The following FBN2 variants were observed in gnomAD, a reference collection of about 807,000 sequenced individuals.
The protein encoded by FBN2 is fibrillin-2.
A neutral mutation model predicts 355.6 loss-of-function variants in FBN2; 105 were observed. That is an observed-to-expected ratio of 0.30 (90% CI 0.25 to 0.35). The LOEUF (loss-of-function observed/expected upper bound fraction) is 0.35. FBN2 is among the 10% of genes least tolerant of loss of function. The pLI, the probability that FBN2 is intolerant of heterozygous loss-of-function variation, is 1.00. For synonymous variants in FBN2, 1,350 were observed against 1,301.2 expected, an observed-to-expected ratio of 1.04 and a Z score of -0.81; for missense variants, 3,280 against 3,758.7, an observed-to-expected ratio of 0.87 and a Z score of 3.33.
Position 128,350,952 on chromosome 5 carries a change from T to A in FBN2, c.2728A>T (p.Asn910Tyr). The change falls in exon 21 of 65, where the codon AAT becomes TAT. Residue 910 changes from asparagine (N) to tyrosine (Y), a missense_variant. Around this residue, in one of 6 missense-constraint regions of FBN2, gnomAD observed 2,284 missense variants for 2,749.5 expected, o/e 0.83. Transcript: ENST00000262464. Reference protein sequence around the residue: ...LNIQDSRCEVNINGATLKSEC... With the variant: ...LNIQDSRCEVYINGATLKSEC... ...GATTTCAGAGTGGCTCCATTAATATTCACCTCACAGCGGCTGTCCTGGATG... is the reference window on the plus strand; with the variant it reads ...GATTTCAGAGTGGCTCCATTAATATACACCTCACAGCGGCTGTCCTGGATG... 2 of 1,614,178 alleles carry A rather than the reference T, an allele frequency of 1.2e-6. No individual in the cohort carries two copies. Among genetic ancestry groups the A allele is most frequent in the Non-Finnish European group, 1.7e-6 (2 of 1,180,012 alleles).
intron 48 of FBN2, among the ~76,000 whole-genome samples, chr5:128,294,489 C>T (rs866313103): frequency 7.2e-5 from 11 of 151,786 alleles, no homozygotes; most frequent in South Asian, 2.1e-4. Context: ...CCACATCCTC[C>T]CCAGCACCTG....
intron 7 of FBN2, among the ~76,000 whole-genome samples, chr5:128,430,725 T>A (rs1241751478): frequency 1.3e-5 from 2 of 151,884 alleles, no homozygotes; most frequent in African/African-American, 2.4e-5. Context: ...AGGCCTATAA[T>A]CCCAGCTACT....
intron 55 of FBN2, among the ~76,000 whole-genome samples, chr5:128,285,623 A>C (rs937615308): frequency 1.3e-5 from 2 of 151,690 alleles, no homozygotes; most frequent in Admixed American, 1.3e-4. Context: ...CCTATCAATC[A>C]TGCAGACTAA....
At position 128,310,113 on chromosome 5, in the gene FBN2, A is replaced by C; in HGVS notation, c.5075-5T>G. On this transcript the variant is annotated splice_polypyrimidine_tract_variant and splice_region_variant and intron_variant, in intron 39 of 64. Transcript: ENST00000262464. ...GTGCAAAACACTCATCAATATCTAG[A>C]GTAGGCAAGAATATCTATTAATTAA... 1 of 1,608,460 alleles carries C rather than the reference A, an allele frequency of 6.2e-7. No homozygotes were observed. The highest frequency in any genetic ancestry group is 1.1e-5 in the South Asian group (1 of 90,894).
intron 63 of FBN2, 116 bp from the exon 64 acceptor site, chr5:128,262,023 A>T: frequency 1.2e-6 from 1 of 814,916 alleles, no homozygotes; most frequent in Non-Finnish European, 2.2e-6. Flanking sequence ...CTAAACTCAT[A>T]AACATAAAAC....
intron 7 of FBN2, among the ~76,000 whole-genome samples, chr5:128,439,930 C>A (rs1753872018): frequency 6.6e-6 from 1 of 151,852 alleles, no homozygotes; most frequent in African/African-American, 2.4e-5. Flanking sequence ...TAAAATTTAT[C>A]CTGGTATAAG....
chr5:128,373,789 G>A (rs1028977262), intron 15 of FBN2, among the ~76,000 whole-genome samples: 5 of 152,026 alleles, frequency 3.3e-5, no homozygotes, highest in African/African-American at 1.2e-4. Context: ...AGCTGGGCCT[G>A]GTACTTCTGA....
chr5:128,398,032 T>C (rs1378273525), intron 8 of FBN2, among the ~76,000 whole-genome samples: 3 of 152,166 alleles, frequency 2.0e-5, no homozygotes, highest in Non-Finnish European at 2.9e-5. Flanking sequence ...AAGATCTCTC[T>C]TAAGAATCTG....
At chr5:128,363,097 C>T (rs1164139121) in intron 18 of FBN2, among the ~76,000 whole-genome samples, 1 of 152,004 alleles carries the variant, frequency 6.6e-6, no homozygotes, top group Non-Finnish European at 1.5e-5. Context: ...ATAGCTTTTC[C>T]CATAATAGTG....
intron 23 of FBN2, among the ~76,000 whole-genome samples, chr5:128,345,963 C>A (rs1212748146): frequency 2.0e-5 from 3 of 152,194 alleles, no homozygotes; most frequent in Admixed American, 6.5e-5. Flanking sequence ...AGATCCCATT[C>A]ATAAACAGTA....
intron 5 of FBN2, among the ~76,000 whole-genome samples, chr5:128,488,746 T>G (rs943156113): frequency 6.6e-6 from 1 of 150,626 alleles, no homozygotes; most frequent in Non-Finnish European, 1.5e-5. Flanking sequence ...TGAGAACATG[T>G]GGTGTTTGAT....
intron 5 of FBN2, among the ~76,000 whole-genome samples, chr5:128,516,067 C>T (rs1342175249): frequency 6.6e-6 from 1 of 152,144 alleles, no homozygotes; most frequent in African/African-American, 2.4e-5. Flanking sequence ...CATTTGCGAT[C>T]AAGTAATCAC....
At chr5:128,377,033 G>A (rs769664460) in intron 13 of FBN2, among the ~76,000 whole-genome samples, 180 bp from the exon 14 acceptor site, 2 of 152,100 alleles carry the variant, frequency 1.3e-5, no homozygotes, top group Non-Finnish European at 2.9e-5. Flanking sequence ...AGAGTGGAAA[G>A]GACCTTCAGT....
At chr5:128,366,313 A>G in intron 17 of FBN2, 64 bp downstream of exon 17, 1 of 801,338 alleles carries the variant, frequency 1.2e-6, no homozygotes, top group Non-Finnish European at 2.1e-6. Flanking sequence ...TATTAATATT[A>G]GAATTATAAA....
rs779546743 is a variant in FBN2, at chr5:128,278,849, G to A, written c.7139-8C>T. Reference sequence around the variant, plus strand: ...AGAGACCCTGTCGATTGTCTGAAATGGCAAAGTAGAAAGAGTTAAGGATGC... The same window carrying A: ...AGAGACCCTGTCGATTGTCTGAAATAGCAAAGTAGAAAGAGTTAAGGATGC... On this transcript the variant is annotated splice_region_variant and splice_polypyrimidine_tract_variant and intron_variant, in intron 56 of 64. Coordinates refer to ENST00000262464, the MANE Select transcript of FBN2 (RefSeq NM_001999.4). 1 of 1,610,062 alleles carries A rather than the reference G, an allele frequency of 6.2e-7. No individual in the cohort carries two copies. Among genetic ancestry groups the A allele is most frequent in the South Asian group, 1.1e-5 (1 of 90,846 alleles).
chr5:128,297,618 G>A (rs1581197362), intron 48 of FBN2, among the ~76,000 whole-genome samples: 1 of 152,230 alleles, frequency 6.6e-6, no homozygotes, highest in East Asian at 1.9e-4. Context: ...TTTGATCTTT[G>A]TTGGTTTAAA....
intron 7 of FBN2, among the ~76,000 whole-genome samples, chr5:128,416,665 A>G (rs1472652266): frequency 6.6e-6 from 1 of 152,186 alleles, no homozygotes; most frequent in African/African-American, 2.4e-5. Context: ...ACTGAAAAGG[A>G]TGTCCATTCC....
chr5:128,368,861 C>A (rs998012157), intron 16 of FBN2, among the ~76,000 whole-genome samples: 1 of 142,122 alleles, frequency 7.0e-6, no homozygotes, highest in African/African-American at 2.7e-5. Flanking sequence ...TTTTTTTTTA[C>A]CAAGACAGGG....
chr5:128,307,239 T>C (rs779256323), intron 41 of FBN2, 36 bp from the exon 42 acceptor site: 3 of 1,182,726 alleles, frequency 2.5e-6, no homozygotes, highest in Non-Finnish European at 3.8e-6. Flanking sequence ...ACTCTTAAAT[T>C]TCTCAAATTC....
Sources: allele counts gnomAD v4.1 joint callset (sites outside exome capture counted in the v4.1 genomes callset), GRCh38; gene constraint gnomAD v4.1.1; regional missense constraint gnomAD v4.1.1; transcripts MANE v1.5; gene names NCBI Gene and HGNC (gene_info 2026-07-23, HGNC 2026-07-21).